Variants in ZNF701 observed in about 807,000 individuals in gnomAD.
ZNF701 encodes zinc finger protein 701.
ZNF701 carries 6 observed loss-of-function variants against 7.1 expected under a neutral mutation model. That is an observed-to-expected ratio of 0.84 (90% confidence interval 0.46 to 1.66). ZNF701 has a LOEUF of 1.66. ZNF701 is among the 40% of genes most tolerant of loss of function. ZNF701 has a pLI of 0.01. For missense variants in ZNF701, 541 were observed against 559.2 expected, an observed-to-expected ratio of 0.97 and a Z score of 0.33; for synonymous variants, 166 against 188.2, an observed-to-expected ratio of 0.88 and a Z score of 0.97.
chr19:52,592,691 G>C, the ZNF701 span, among the ~76,000 whole-genome samples: 23 of 152,326 alleles, frequency 1.5e-4, no homozygotes, highest in African/African-American at 5.5e-4. Context: ...CTGGGCTCAA[G>C]CAATTCACAT....
the ZNF701 span, among the ~76,000 whole-genome samples, chr19:52,592,498 G>C: frequency 6.6e-6 from 1 of 152,210 alleles, no homozygotes; most frequent in African/African-American, 2.4e-5. Context: ...TGCCCCTGGA[G>C]GCCCTGAGCG....
intron 3 of ZNF701, among the ~76,000 whole-genome samples, chr19:52,577,553 A>G (rs1226486957): frequency 6.6e-6 from 1 of 151,214 alleles, no homozygotes; most frequent in East Asian, 1.9e-4. Context: ...CCTAGGAATA[A>G]CTGGCAGGTA....
intron 2 of ZNF701, 77 bp from the exon 3 acceptor site, chr19:52,575,818 C>T: frequency 1.0e-6 from 1 of 978,046 alleles, no homozygotes; most frequent in Non-Finnish European, 1.4e-6. Context: ...CCATGCTTTC[C>T]CCTCTCCTCT....
rs367866220 is a variant in ZNF701 at position 52,582,698 on chromosome 19, A to G, written c.639A>G (p.Lys213=). The G allele has an allele frequency of 4.6e-5, 74 of 1,614,046 alleles. No homozygotes were observed. Among genetic ancestry groups the G allele is most frequent in the Non-Finnish European group, 5.7e-5 (67 of 1,180,024 alleles). The change falls in exon 4 of 4, where the codon AAA becomes AAG. Residue 213 remains lysine, a synonymous_variant. Transcript: ENST00000391785. The part of the protein sequence containing the change: ...TQKREVHTRE[K]SFQRNESGKA... ...AACGGGAAGTACACACAAGAGAAAA[A>G]TCTTTCCAACGTAATGAGAGTGGCA...
chr19:52,570,830 T>A lies in ZNF701; in HGVS notation c.-72+500T>A, dbSNP rs117189109. ...TGCACCCCAAGTCTCCCCTTAGCAG[T>A]CACCACTTTCCTTGAGCCAGCGTTG... On this transcript the variant is annotated intron_variant, in intron 1 of 3. Transcript: ENST00000391785. 2.8e-3 allele frequency: 430 copies of A among 152,484 alleles called. 2 individuals are homozygous for A. Among genetic ancestry groups the A allele is most frequent in the Non-Finnish European group, 4.6e-3 (316 of 68,194 alleles). The allele number at this position is 152,484 out of a possible 1,614,324, so 9.4% of individuals were successfully genotyped here. A position where few individuals can be genotyped will look rare whatever the true frequency, so the allele number is the denominator to read the frequency against.
chr19:52,585,249 A>C lies in ZNF701; in HGVS notation c.*1792A>C, dbSNP rs1003827045. On this transcript the variant is annotated 3_prime_UTR_variant, in exon 4 of 4. Coordinates refer to ENST00000391785, the MANE Select transcript of ZNF701 (RefSeq NM_018260.3). ...CCTCGCGCTGTTTCAGGTCCTCACC[A>C]GCGAGTTGGACTCTCGCCCTGGGCT... 1 of 150,718 alleles carries C rather than the reference A, an allele frequency of 6.6e-6. No individual in the cohort carries two copies. The highest frequency in any genetic ancestry group is 1.5e-5 in the Non-Finnish European group (1 of 67,930). 9.3% of individuals were successfully genotyped at this position (150,718 alleles called of 1,614,324 possible).
chr19:52,580,356 C>G (rs2059967670), intron 3 of ZNF701, among the ~76,000 whole-genome samples: 1 of 152,028 alleles, frequency 6.6e-6, no homozygotes, highest in Non-Finnish European at 1.5e-5. Context: ...TAGTTCTGAA[C>G]TGGGATTACA....
Position 52,585,924 on chromosome 19 carries a change from T to A in ZNF701, c.*2467T>A, listed in dbSNP as rs1179519896. ...GGGAGAGTAGCCTTTGATCCTTTGTTACTTTGGGTGGGAAGATGGGGTTTT... is the reference window on the plus strand; with the variant it reads ...GGGAGAGTAGCCTTTGATCCTTTGTAACTTTGGGTGGGAAGATGGGGTTTT... On this transcript the variant is annotated 3_prime_UTR_variant, in exon 4 of 4. Transcript: ENST00000391785. 1.3e-5 allele frequency: 2 copies of A among 152,328 alleles called. No individual in the cohort carries two copies. Among genetic ancestry groups the A allele is most frequent in the Non-Finnish European group, 2.9e-5 (2 of 68,114 alleles). The allele number at this position is 152,328 out of a possible 1,614,324, so 9.4% of individuals were successfully genotyped here.
chr19:52,599,327 T>G, the ZNF701 span, among the ~76,000 whole-genome samples: 1 of 152,106 alleles, frequency 6.6e-6, no homozygotes, highest in African/African-American at 2.4e-5. Flanking sequence ...AGTAGGAAAT[T>G]AAATAATTCA....
chr19:52,596,635 A>G, the ZNF701 span: 1 of 436,024 alleles, frequency 2.3e-6, no homozygotes, highest in Non-Finnish European at 4.6e-6. Context: ...GGTTGTGACA[A>G]GGTTTTCCAC....
At chr19:52,589,478 C>CT (rs11414668), downstream of ZNF701, among the ~76,000 whole-genome samples, 43,138 of 138,250 alleles carry the variant, frequency 0.31, 6,896 homozygotes, top group South Asian at 0.36. Flanking sequence ...CACATGCCTG[C>CT]TTTTTTTTTT....
chr19:52,588,525 C>A, downstream of ZNF701: 3 of 296,932 alleles, frequency 1.0e-5, no homozygotes, highest in South Asian at 3.7e-5. Context: ...TATTTTTTTA[C>A]ACACAGGATT....
chr19:52,577,823 AC>A (rs1390345402), intron 3 of ZNF701, among the ~76,000 whole-genome samples: 1 of 151,276 alleles, frequency 6.6e-6, no homozygotes, highest in African/African-American at 2.4e-5. Flanking sequence ...GGAGGCCTAA[AC>A]CCCTCCCTGT....
At chr19:52,581,480 A>G (rs1407423828) in intron 3 of ZNF701, among the ~76,000 whole-genome samples, 3 of 151,848 alleles carry the variant, frequency 2.0e-5, no homozygotes, top group African/African-American at 7.3e-5. Context: ...TCGGCCTCCT[A>G]AAATACTGGG....
intron 1 of ZNF701, among the ~76,000 whole-genome samples, chr19:52,571,722 C>G (rs2059901351): frequency 6.7e-6 from 1 of 148,908 alleles, no homozygotes; most frequent in South Asian, 2.2e-4. Context: ...ACCCTCTTTC[C>G]CTGCTTTTTG....
chr19:52,582,236 A>G lies in ZNF701; in HGVS notation c.177A>G (p.Ser59=), dbSNP rs1414609796. 6.3e-7 allele frequency: 1 copy of G among 1,590,180 alleles called. No individual in the cohort carries two copies. Among genetic ancestry groups the G allele is most frequent in the Non-Finnish European group, 8.6e-7 (1 of 1,169,156 alleles). ...CCAAATGCATGATGAAGATGTTCTC[A>G]TCAACAGGACAAGGCAATACAGAAG... ...TSSKCMMKMF[S]STGQGNTEVV... The change falls in exon 4 of 4, where the codon TCA becomes TCG. Residue 59 remains serine (S), a synonymous_variant. Coordinates refer to ENST00000391785, the MANE Select transcript of ZNF701 (RefSeq NM_018260.3).
At chr19:52,588,047 CAA>C (rs1333249802), downstream of ZNF701, among the ~76,000 whole-genome samples, 1 of 152,164 alleles carries the variant, frequency 6.6e-6, no homozygotes, top group African/African-American at 2.4e-5. Context: ...AAAAACAAGT[CAA>C]AATTACCCTT....
chr19:52,593,043 C>G, the ZNF701 span, among the ~76,000 whole-genome samples: 159 of 117,406 alleles, frequency 1.4e-3, 53 homozygotes, highest in Middle Eastern at 0.023. Context: ...CACCCTTAAT[C>G]CATTCAACCC....
At chr19:52,575,434 T>A (rs1173750193) in intron 2 of ZNF701, among the ~76,000 whole-genome samples, 1 of 144,452 alleles carries the variant, frequency 6.9e-6, no homozygotes, top group Non-Finnish European at 1.5e-5. Context: ...TGTGAGTGTG[T>A]GTAGGTTTTA....
Sources: gnomAD v4.1 joint callset for allele counts (sites outside exome capture counted in the v4.1 genomes callset) on GRCh38, gnomAD v4.1.1 for gene constraint, MANE v1.5 for transcripts, NCBI Gene and HGNC (gene_info 2026-07-23, HGNC 2026-07-21) for gene names.